The following SEMA3D variants were observed in gnomAD, a reference collection of about 807,000 sequenced individuals.
SEMA3D encodes the protein semaphorin 3D.
A neutral mutation model predicts 100.1 loss-of-function variants in SEMA3D; 84 were observed. The ratio of observed to expected loss-of-function variants is 0.84; its 90% CI spans 0.70 to 1.01. The LOEUF is 1.01. SEMA3D is among the 50% of genes least tolerant of loss of function. The probability of loss-of-function intolerance (pLI) is 0.00; values close to 1 mark genes in which losing one functional copy is unlikely to be tolerated. For synonymous variants in SEMA3D, 312 were observed against 320.7 expected (o/e 0.97, Z 0.29); for missense variants, 875 against 934.1 (o/e 0.94, Z 0.82).
intron 5 of SEMA3D, among the ~76,000 whole-genome samples, chr7:85,075,367 C>A (rs1309455166): frequency 6.7e-6 from 1 of 149,906 alleles, no homozygotes; most frequent in Non-Finnish European, 1.5e-5. Flanking sequence ...TTTATAAAGA[C>A]AAATATGGTC....
intron 17 of SEMA3D, among the ~76,000 whole-genome samples, chr7:85,009,630 C>T (rs1789897255): frequency 6.6e-6 from 1 of 151,506 alleles, no homozygotes; most frequent in East Asian, 1.9e-4. Context: ...TAGCTCCTAG[C>T]ACCTATAAAG....
chr7:85,117,269 T>C (rs56884273), intron 3 of SEMA3D, among the ~76,000 whole-genome samples: 81,272 of 151,978 alleles, frequency 0.53, 22,575 homozygotes, highest in African/African-American at 0.68. Context: ...CAACTGCAGC[T>C]GTCGTCTGAT....
the SEMA3D span, among the ~76,000 whole-genome samples, chr7:85,219,541 A>T: frequency 6.6e-6 from 1 of 151,984 alleles, no homozygotes; most frequent in Non-Finnish European, 1.5e-5. Context: ...TTATAAATGG[A>T]ATATATATAG....
intron 4 of SEMA3D, among the ~76,000 whole-genome samples, chr7:85,088,505 C>T (rs566635915): frequency 1.8e-4 from 27 of 152,034 alleles, no homozygotes; most frequent in Non-Finnish European, 3.1e-4. Context: ...AAACAGGATA[C>T]AAGTTTTTAA....
intron 2 of SEMA3D, among the ~76,000 whole-genome samples, chr7:85,146,513 C>A (rs1284214177): frequency 6.6e-6 from 1 of 151,296 alleles, no homozygotes; most frequent in Non-Finnish European, 1.5e-5. Flanking sequence ...AAGATTGGGC[C>A]ACTGCACTCC....
chr7:85,231,448 T>A, the SEMA3D span, among the ~76,000 whole-genome samples: 3 of 48,044 alleles, frequency 6.2e-5, no homozygotes, highest in Non-Finnish European at 1.1e-4. Flanking sequence ...TTTTTTTTTT[T>A]TTTTTTTTTT....
chr7:85,218,287 GTATT>G, the SEMA3D span, among the ~76,000 whole-genome samples: 3 of 151,960 alleles, frequency 2.0e-5, no homozygotes, highest in Non-Finnish European at 4.4e-5. Context: ...TAATATATAT[GTATT>G]TATTTAAGTG....
the SEMA3D span, among the ~76,000 whole-genome samples, chr7:85,211,366 T>C: frequency 6.6e-6 from 1 of 152,064 alleles, no homozygotes; most frequent in African/African-American, 2.4e-5. Context: ...TTTGTTGATA[T>C]GTATTTTAGA....
upstream of SEMA3D, among the ~76,000 whole-genome samples, chr7:85,188,050 G>T (rs922094946): frequency 6.6e-6 from 1 of 152,162 alleles, no homozygotes; most frequent in Non-Finnish European, 1.5e-5. Context: ...CAAGGTGTAG[G>T]GTCCCAAAGC....
In SEMA3D at chr7:85,093,909, C is replaced by T. The variant is rs148747362; in HGVS notation, c.312+3896G>A. On this transcript the variant is annotated intron_variant, in intron 4 of 18. Coordinates refer to ENST00000284136, the MANE Select transcript of SEMA3D (RefSeq NM_001384900.1). ...GACATTGGCATAAATATATAAAATG[C>T]TCCTGTAAACGTGAAGAACACTTAA... is the stretch of plus-strand genomic sequence containing the variant. Among the ~76,000 whole-genome samples the T allele has an allele frequency of 7.4e-4, 112 of 152,054 alleles. 1 individual carries two copies. Among genetic ancestry groups the T allele is most frequent in the African/African-American group, 2.6e-3 (107 of 41,520 alleles).
chr7:85,040,702 A>C lies in SEMA3D; in HGVS notation c.1017T>G (p.Pro339=), dbSNP rs1444219780. The C allele has an allele frequency of 4.1e-6, 6 of 1,479,802 alleles. No individual in the cohort carries two copies. Among genetic ancestry groups the C allele is most frequent in the Non-Finnish European group, 5.7e-6 (6 of 1,060,320 alleles). 91.7% of individuals were successfully genotyped at this position (1,479,802 alleles called of 1,614,324 possible). The change falls in exon 11 of 19, where the codon CCT becomes CCG. Residue 339 remains proline, a synonymous_variant. Coordinates refer to ENST00000284136, the MANE Select transcript of SEMA3D (RefSeq NM_001384900.1). ...TTGTAGTAAAGACTCCATATACTAC[A>C]GGATTTCTTTCATCTCTTGTGGGGA... The part of the protein sequence containing the change: ...YLLPTRDERN[P]VVYGVFTTTS...
intron 3 of SEMA3D, among the ~76,000 whole-genome samples, chr7:85,118,022 T>C (rs1789296041): frequency 6.6e-6 from 1 of 151,958 alleles, no homozygotes; most frequent in Non-Finnish European, 1.5e-5. Flanking sequence ...ATGGCTCCAG[T>C]TTAATGGAAT....
intron 1 of SEMA3D, among the ~76,000 whole-genome samples, chr7:85,170,448 G>A (rs1404210454): frequency 2.6e-5 from 4 of 151,834 alleles, no homozygotes; most frequent in Non-Finnish European, 5.9e-5. Context: ...TTCAAAAAGT[G>A]TAATATCAAT....
At chr7:85,012,634 A>G (rs574297787) in intron 17 of SEMA3D, 148 bp downstream of exon 17, 118 of 551,602 alleles carry the variant, frequency 2.1e-4, no homozygotes, top group African/African-American at 2.1e-3. Flanking sequence ...TGATTTATAA[A>G]ATTTCCTGTT....
chr7:85,129,716 T>A (rs567852379), intron 2 of SEMA3D, among the ~76,000 whole-genome samples: 6 of 152,246 alleles, frequency 3.9e-5, no homozygotes, highest in African/African-American at 1.4e-4. Flanking sequence ...ATAATTAAAT[T>A]ACGTTTTTGG....
At chr7:85,221,928 C>T in the SEMA3D span, among the ~76,000 whole-genome samples, 1 of 151,840 alleles carries the variant, frequency 6.6e-6, no homozygotes, top group Non-Finnish European at 1.5e-5. Flanking sequence ...ACCTAACTTG[C>T]TATTGAGCAA....
At chr7:85,049,782 A>G (rs920730243) in intron 9 of SEMA3D, among the ~76,000 whole-genome samples, 5 of 151,896 alleles carry the variant, frequency 3.3e-5, no homozygotes, top group African/African-American at 1.2e-4. Context: ...TGCAAGTGGA[A>G]TTGAAGCAAA....
chr7:85,141,623 A>T (rs1790054364), intron 2 of SEMA3D: 1 of 984,286 alleles, frequency 1.0e-6, no homozygotes, highest in African/African-American at 1.7e-5. Context: ...TTTCTGGCAC[A>T]TATTCTTTCA....
At chr7:85,025,170 C>T (rs1181813258) in intron 12 of SEMA3D, among the ~76,000 whole-genome samples, 1 of 151,932 alleles carries the variant, frequency 6.6e-6, no homozygotes, top group African/African-American at 2.4e-5. Flanking sequence ...TTTCTGCCTC[C>T]AGTTTTCTTA....
Sources: allele counts gnomAD v4.1 joint callset (sites outside exome capture counted in the v4.1 genomes callset), GRCh38; gene constraint gnomAD v4.1.1; transcripts MANE v1.5; gene names NCBI Gene and HGNC (gene_info 2026-07-23, HGNC 2026-07-21).